RNASET2: variants seen among roughly 807,000 people sequenced by gnomAD.
The protein encoded by RNASET2 is ribonuclease 6.
A neutral mutation model predicts 33.9 loss-of-function variants in RNASET2; 28 were observed. The ratio of observed to expected loss-of-function variants is 0.83; its 90% CI spans 0.61 to 1.13. The LOEUF is 1.13. Ranked by LOEUF, RNASET2 falls within the 50% of genes most tolerant of loss-of-function variation. The pLI is 0.00. For synonymous variants in RNASET2, 123 were observed against 121.0 expected (o/e 1.02, Z -0.11); for missense variants, 330 against 319.9 (o/e 1.03, Z -0.24).
Position 166,923,567 on chromosome 6 carries a change from C to T in RNASET2, c.*6021G>A, listed in dbSNP as rs1479960489. ...ATCATCTGAGCCTAAAATGCTAATTCTGTCTTTTTTGTCTAAAATAAATGG... is the reference window on the plus strand; with the variant it reads ...ATCATCTGAGCCTAAAATGCTAATTTTGTCTTTTTTGTCTAAAATAAATGG... On this transcript the variant is annotated 3_prime_UTR_variant, in exon 9 of 9. Transcript: ENST00000508775. Among the ~76,000 whole-genome samples the T allele has an allele frequency of 6.6e-6, 1 of 151,876 alleles. No individual in the cohort carries two copies. Among genetic ancestry groups the T allele is most frequent in the Non-Finnish European group, 1.5e-5 (1 of 67,994 alleles).
chr6:166,956,211 A>T lies in RNASET2; in HGVS notation c.-29T>A, dbSNP rs1368175560. ...GCCGACCTGCGGAGAGAACGCTGCC[A>T]GCTGCCGCTCCGGCTCCCACTTCCC... On this transcript the variant is annotated 5_prime_UTR_variant, in exon 1 of 9. Coordinates refer to ENST00000508775, the MANE Select transcript of RNASET2 (RefSeq NM_003730.6). 2 of 1,538,984 alleles carry T rather than the reference A, an allele frequency of 1.3e-6. No homozygotes were observed. The highest frequency in any genetic ancestry group is 1.8e-6 in the Non-Finnish European group (2 of 1,138,486).
chr6:166,943,187 T>A, intron 4 of RNASET2, 98 bp from the exon 5 acceptor site: 1 of 824,754 alleles, frequency 1.2e-6, no homozygotes, highest in Non-Finnish European at 2.0e-6. Flanking sequence ...AGAATTGAGC[T>A]CTGCTAATTA....
At chr6:166,934,309 T>C in intron 6 of RNASET2, 173 bp from the exon 7 acceptor site, 1 of 624,172 alleles carries the variant, frequency 1.6e-6, no homozygotes. Flanking sequence ...TGGTTCCCAG[T>C]CCCCGCCTTC....
rs1778506778 is a variant in RNASET2 at position 166,933,988 on chromosome 6, T to C, written c.492+103A>G. The C allele has an allele frequency of 1.2e-6, 1 of 831,286 alleles. No individual in the cohort carries two copies. Among genetic ancestry groups the C allele is most frequent in the African/African-American group, 1.7e-5 (1 of 59,990 alleles). The allele number at this position is 831,286 out of a possible 1,614,324, so 51.5% of individuals were successfully genotyped here. On this transcript the variant is annotated intron_variant, in intron 7 of 8. Coordinates refer to ENST00000508775, the MANE Select transcript of RNASET2 (RefSeq NM_003730.6). The surrounding 1 kb of genome is among the most constrained non-coding windows in gnomAD (Gnocchi z 4.1). ...GATAACATTTAAGTAGGAAGGGGGT[T>C]TGCACTGGGGCAATTTACAGCCCAT...
rs970399407 is a variant in RNASET2 at position 166,927,305 on chromosome 6, G to A, written c.*2283C>T. Among the ~76,000 whole-genome samples, 1 of 152,042 alleles carries A rather than the reference G, an allele frequency of 6.6e-6. No homozygotes were observed. Among genetic ancestry groups the A allele is most frequent in the Non-Finnish European group, 1.5e-5 (1 of 68,008 alleles). ...ATGTTCTACCTGCTCCTGAGCTCTA[G>A]GCCAAAATAGGAATATTAAGAGAGC... On this transcript the variant is annotated 3_prime_UTR_variant, in exon 9 of 9. Transcript: ENST00000508775.
At chr6:166,929,876 T>C in intron 8 of RNASET2, 85 bp from the exon 9 acceptor site, 1 of 1,357,970 alleles carries the variant, frequency 7.4e-7, no homozygotes, top group South Asian at 1.2e-5. Context: ...TTAGAACTTT[T>C]AGAAGATAAC....
chr6:166,937,102 C>T (rs2128644970), intron 6 of RNASET2, among the ~76,000 whole-genome samples: 1 of 152,264 alleles, frequency 6.6e-6, no homozygotes, highest in East Asian at 1.9e-4. Flanking sequence ...TCCTGTGCTC[C>T]AGGAGCTACC....
rs1266018716 is a variant in RNASET2 at position 166,929,078 on chromosome 6, G to A, written c.*510C>T. On this transcript the variant is annotated 3_prime_UTR_variant, in exon 9 of 9. Coordinates refer to ENST00000508775, the MANE Select transcript of RNASET2 (RefSeq NM_003730.6). ...GTGACCACACCAGGCCTCCAACAAC[G>A]GAGCAGCTGGCTAAGGAACGATGTC... 1.3e-5 allele frequency among the ~76,000 whole-genome samples: 2 copies of A among 152,226 alleles called. No homozygotes were observed. The highest frequency in any genetic ancestry group is 2.4e-5 in the African/African-American group (1 of 41,448).
At chr6:166,955,055 C>G (rs1779073086) in intron 1 of RNASET2, among the ~76,000 whole-genome samples, 2 of 150,782 alleles carry the variant, frequency 1.3e-5, no homozygotes, top group Non-Finnish European at 2.9e-5. Context: ...TCCTATTAAC[C>G]CGATCATTAC....
chr6:166,942,070 T>TTTTTTTTTTTTA (rs1778705426), intron 5 of RNASET2, among the ~76,000 whole-genome samples: 1 of 151,030 alleles, frequency 6.6e-6, no homozygotes, highest in African/African-American at 2.4e-5. Flanking sequence ...TTTTTTTTTT[T>TTTTTTTTTTTTA]GAGATGGAAT....
rs1778261559 is a variant in RNASET2, at chr6:166,923,351, G to A, written c.*6237C>T. Among the ~76,000 whole-genome samples, 1 of 151,394 alleles carries A rather than the reference G, an allele frequency of 6.6e-6. No homozygotes were observed. The highest frequency in any genetic ancestry group is 2.4e-5 in the African/African-American group (1 of 41,058). Reference sequence around the variant, plus strand: ...CCATCCTCTCACCTCAGCCTCCTGAGTAGCTGGGATTGCAGACACCCGCCA... The same window carrying A: ...CCATCCTCTCACCTCAGCCTCCTGAATAGCTGGGATTGCAGACACCCGCCA... On this transcript the variant is annotated 3_prime_UTR_variant, in exon 9 of 9. Coordinates refer to ENST00000508775, the MANE Select transcript of RNASET2 (RefSeq NM_003730.6).
At chr6:166,930,023 T>C (rs1443211125) in intron 8 of RNASET2, among the ~76,000 whole-genome samples, 4 of 152,038 alleles carry the variant, frequency 2.6e-5, no homozygotes, top group Non-Finnish European at 4.4e-5. Flanking sequence ...GGCTTGGGGG[T>C]TGGATCCCCT....
In RNASET2 at chr6:166,953,015, C is replaced by T. The variant is rs150227642; in HGVS notation, c.87-467G>A. ...AAACATAACCTGAACTAGCATAACG[C>T]TATTTATCGTTACTACCCCAACTCA... On this transcript the variant is annotated intron_variant, in intron 1 of 8. Transcript: ENST00000508775. 623 of 206,676 alleles carry T rather than the reference C, an allele frequency of 3.0e-3. 8 individuals are homozygous for T. The highest frequency in any genetic ancestry group is 0.014 in the African/African-American group (608 of 43,356). The allele number at this position is 206,676 out of a possible 1,614,324, so 12.8% of individuals were successfully genotyped here. A position where few individuals can be genotyped will look rare whatever the true frequency, so the allele number is the denominator to read the frequency against.
chr6:166,942,198 G>A (rs1451048254), intron 5 of RNASET2, among the ~76,000 whole-genome samples: 10 of 151,614 alleles, frequency 6.6e-5, no homozygotes, highest in South Asian at 2.1e-4. Flanking sequence ...GATTACAAGC[G>A]TACGCCATCA....
At chr6:166,944,529 C>T (rs531828449) in intron 4 of RNASET2, among the ~76,000 whole-genome samples, 4 of 150,716 alleles carry the variant, frequency 2.7e-5, no homozygotes, top group South Asian at 2.1e-4. Context: ...ATCAGCTCTC[C>T]GAGATGTCCT....
At chr6:166,943,672 T>G in intron 4 of RNASET2, 1 of 448,804 alleles carries the variant, frequency 2.2e-6, no homozygotes. Flanking sequence ...CTAATGTTAA[T>G]GCTAAACTTT....
In RNASET2 at chr6:166,929,384, A is replaced by G. The variant is rs1778364338; in HGVS notation, c.*204T>C. The stretch of plus-strand genomic sequence containing the variant: ...ATCTGTGAGCTTTATCCCAAGCACA[A>G]AACAGCCACTCAGGCGTGGGAGAGC... On this transcript the variant is annotated 3_prime_UTR_variant, in exon 9 of 9. Coordinates refer to ENST00000508775, the MANE Select transcript of RNASET2 (RefSeq NM_003730.6). The G allele has an allele frequency of 1.5e-6, 1 of 647,782 alleles. No homozygotes were observed. The highest frequency in any genetic ancestry group is 2.7e-6 in the Non-Finnish European group (1 of 366,738). 40.1% of individuals were successfully genotyped at this position (647,782 alleles called of 1,614,324 possible).
At chr6:166,945,830 C>CAAAAAA (rs770959298) in intron 4 of RNASET2, among the ~76,000 whole-genome samples, 1 of 72,460 alleles carries the variant, frequency 1.4e-5, no homozygotes. Context: ...AACTCTGTCT[C>CAAAAAA]AAAAAAAAAA....
At chr6:166,935,700 CAG>C (rs1778549827) in intron 6 of RNASET2, among the ~76,000 whole-genome samples, 1 of 152,164 alleles carries the variant, frequency 6.6e-6, no homozygotes, top group Non-Finnish European at 1.5e-5. Flanking sequence ...TTTTTTGACA[CAG>C]AGTCTTGCTC....
Sources: gnomAD v4.1 joint callset for allele counts (sites outside exome capture counted in the v4.1 genomes callset) on GRCh38, gnomAD v4.1.1 for gene constraint, Gnocchi (gnomAD v3.1) non-coding constraint, MANE v1.5 for transcripts, NCBI Gene and HGNC (gene_info 2026-07-23, HGNC 2026-07-21) for gene names.